MYO7B: variants seen among roughly 807,000 people sequenced by gnomAD.
MYO7B encodes unconventional myosin-VIIb.
A neutral mutation model predicts 259.7 loss-of-function variants in MYO7B; 212 were observed. The ratio of observed to expected loss-of-function variants is 0.82; its 90% CI spans 0.73 to 0.91. MYO7B has a LOEUF of 0.91. Among genes scored for constraint, MYO7B ranks in the 40% least tolerant of loss-of-function variants. MYO7B has a pLI of 0.00. For synonymous variants in MYO7B, 1,197 were observed against 1,166.4 expected, an observed-to-expected ratio of 1.03 and a Z score of -0.54; for missense variants, 2,732 against 2,813.5, an observed-to-expected ratio of 0.97 and a Z score of 0.66.
At chr2:127,588,678 T>A in intron 15 of MYO7B, 123 bp downstream of exon 15, 3 of 1,151,196 alleles carry the variant, frequency 2.6e-6, no homozygotes, top group Non-Finnish European at 3.7e-6. Flanking sequence ...CACTTGGGAA[T>A]CCTGCAATGG....
At chr2:127,632,766 C>T (rs767845811) in intron 39 of MYO7B, among the ~76,000 whole-genome samples, 2 of 151,746 alleles carry the variant, frequency 1.3e-5, no homozygotes, top group African/African-American at 2.4e-5. Flanking sequence ...CGCCCACAGC[C>T]GTGAAGCTCT....
chr2:127,607,319 C>A lies in MYO7B; in HGVS notation c.2538C>A (p.Tyr846Ter). The A allele has an allele frequency of 1.3e-6, 2 of 1,551,412 alleles. No homozygotes were observed. Among genetic ancestry groups the A allele is most frequent in the Non-Finnish European group, 1.7e-6 (2 of 1,146,898 alleles). Residue 846 changes from tyrosine (Y) to a stop codon, truncating the protein, a stop_gained, in exon 21 of 48, where the codon TAC (tyrosine) becomes TAA (stop). Transcript: ENST00000409816. LOFTEE classifies it high-confidence loss of function. The surrounding 1 kb of genome is among the most constrained non-coding windows in gnomAD (Gnocchi z 4.4). ...TVQLQALCRGYLVRQQVQAKR... is the reference protein window; with the variant it reads ...TVQLQALCRG ...AGCTGCAGGCCCTGTGCAGGGGATA[C>A]CTGGTGCGCCAGCAAGTCCAGGCCA...
chr2:127,635,241 G>T lies in MYO7B; in HGVS notation c.5820+15G>T, dbSNP rs1170226421. On this transcript the variant is annotated intron_variant, in intron 43 of 47. Coordinates refer to ENST00000409816, the MANE Select transcript of MYO7B (RefSeq NM_001393586.1). ...ATTACCACCAGGTACCGGGCAGGCT[G>T]CCCTGGTGGGCACTGGGGCCACCCC... The T allele has an allele frequency of 6.2e-7, 1 of 1,604,092 alleles. No individual in the cohort carries two copies. Among genetic ancestry groups the T allele is most frequent in the Admixed American group, 1.7e-5 (1 of 59,240 alleles).
At chr2:127,555,267 ATCT>A (rs1263779990) in intron 1 of MYO7B, among the ~76,000 whole-genome samples, 1 of 151,670 alleles carries the variant, frequency 6.6e-6, no homozygotes, top group African/African-American at 2.4e-5. Context: ...TCTTATTTTG[ATCT>A]TCTCTCTTCT....
At chr2:127,599,450 A>G (rs1679883532) in intron 19 of MYO7B, among the ~76,000 whole-genome samples, 1 of 152,172 alleles carries the variant, frequency 6.6e-6, no homozygotes, top group Non-Finnish European at 1.5e-5. Flanking sequence ...TTGGATGTAG[A>G]TCGTCCTGTC....
chr2:127,632,048 C>T (rs1198892005), intron 38 of MYO7B, among the ~76,000 whole-genome samples, 198 bp from the exon 39 acceptor site: 4 of 152,146 alleles, frequency 2.6e-5, no homozygotes, highest in South Asian at 2.1e-4. Flanking sequence ...AATGCCCACC[C>T]GCCCCCATCT....
At chr2:127,560,978 G>A (rs1162377858) in intron 2 of MYO7B, among the ~76,000 whole-genome samples, 1 of 152,166 alleles carries the variant, frequency 6.6e-6, no homozygotes, top group Non-Finnish European at 1.5e-5. Flanking sequence ...GGCTGTTTTA[G>A]TTTGGAGAAA....
rs900446491 is a variant in MYO7B at position 127,624,319 on chromosome 2, A to G, written c.4046A>G (p.Lys1349Arg). ...GVWSGEYSFE[K>R]EEELVELLAR... ...TGGTCTGGCGAGTACAGCTTCGAGA[A>G]GGTGAGGGGCCTGAGAGCCAGGTCC... The change falls in exon 30 of 48, where the codon AAG becomes AGG. Residue 1349 changes from lysine to arginine, a missense_variant and splice_region_variant. Physicochemically the swap from Lys to Arg is conservative, Grantham distance 26. Transcript: ENST00000409816. 3.4e-5 allele frequency: 54 copies of G among 1,569,572 alleles called. No homozygotes were observed. The highest frequency in any genetic ancestry group is 4.5e-5 in the Non-Finnish European group (52 of 1,157,790).
intron 1 of MYO7B, among the ~76,000 whole-genome samples, chr2:127,543,321 A>G (rs1693082613): frequency 6.6e-6 from 1 of 151,706 alleles, no homozygotes; most frequent in Admixed American, 6.6e-5. Flanking sequence ...ACGGCCTTCA[A>G]GCACTTTTTT....
rs182108603 is a variant in MYO7B at position 127,586,785 on chromosome 2, T to C, written c.1691-1607T>C. On this transcript the variant is annotated intron_variant, in intron 14 of 47. Transcript: ENST00000409816. This position sits in a 1 kb window ranked among gnomAD's most constrained non-coding sequence, Gnocchi z 4.8. ...TTTTATTTTGGATACCATGCTGTGCTGATGACCTCAGCTTTACTTACTCTG... is the reference window on the plus strand; with the variant it reads ...TTTTATTTTGGATACCATGCTGTGCCGATGACCTCAGCTTTACTTACTCTG... 2.6e-3 allele frequency among the ~76,000 whole-genome samples: 391 copies of C among 152,326 alleles called. 2 individuals carry two copies. The highest frequency in any genetic ancestry group is 9.0e-3 in the African/African-American group (373 of 41,566).
At chr2:127,542,230 G>T (rs1325383882) in intron 1 of MYO7B, among the ~76,000 whole-genome samples, 2 of 152,212 alleles carry the variant, frequency 1.3e-5, no homozygotes, top group Non-Finnish European at 2.9e-5. Context: ...CCAGAAGAGG[G>T]GCATACCCTT....
intron 6 of MYO7B, among the ~76,000 whole-genome samples, chr2:127,570,320 G>A (rs1678542571): frequency 6.6e-6 from 1 of 152,208 alleles, no homozygotes; most frequent in South Asian, 2.1e-4. Flanking sequence ...AGCAGGAGTG[G>A]GCAGGATGAG....
chr2:127,536,814 C>T (rs540533468), intron 1 of MYO7B, among the ~76,000 whole-genome samples: 2 of 152,350 alleles, frequency 1.3e-5, no homozygotes, highest in Admixed American at 6.5e-5. Context: ...AGGAACCACT[C>T]AGCTCATCAG....
At position 127,608,862 on chromosome 2, in the gene MYO7B, C is replaced by G. The variant is rs1680264923; in HGVS notation, c.2798C>G (p.Ala933Gly). 6.2e-7 allele frequency: 1 copy of G among 1,612,458 alleles called. No homozygotes were observed. The highest frequency in any genetic ancestry group is 8.5e-7 in the Non-Finnish European group (1 of 1,179,488). The change falls in exon 22 of 48, where the codon GCC (alanine) becomes GGC (glycine). Residue 933 changes from alanine (A) to glycine (G), a missense_variant. By Grantham distance (60) the Ala-to-Gly change is moderately conservative (BLOSUM62 0). Around this residue, in one of 3 missense-constraint regions of MYO7B, gnomAD observed 1,906 missense variants for 2,026.4 expected, o/e 0.94. Coordinates refer to ENST00000409816, the MANE Select transcript of MYO7B (RefSeq NM_001393586.1). ...ATGATTGGGGGCCAGGAGGGCCAGG[C>G]CTCGCCGCACTTTGAGGTAACACAA... is the stretch of plus-strand genomic sequence containing the variant. ...PAMIGGQEGQASPHFEDLESK... is the reference protein window; with the variant it reads ...PAMIGGQEGQGSPHFEDLESK...
At chr2:127,560,666 C>T (rs1163308460) in intron 2 of MYO7B, among the ~76,000 whole-genome samples, 1 of 152,118 alleles carries the variant, frequency 6.6e-6, no homozygotes, top group East Asian at 1.9e-4. Context: ...GAGCAGAGGC[C>T]CCAAACCAGC....
chr2:127,547,269 A>G (rs1382814368), intron 1 of MYO7B, among the ~76,000 whole-genome samples: 1 of 152,162 alleles, frequency 6.6e-6, no homozygotes, highest in Non-Finnish European at 1.5e-5. Context: ...CAAATTTCTC[A>G]CAGGTGTGGG....
intron 47 of MYO7B, 190 bp downstream of exon 47, chr2:127,637,103 G>C: frequency 1.8e-6 from 2 of 1,109,726 alleles, no homozygotes; most frequent in Non-Finnish European, 2.6e-6. Context: ...AGGCCAGGCG[G>C]GACCCCCTGC....
At position 127,631,591 on chromosome 2, in the gene MYO7B, C is replaced by G; in HGVS notation, c.5096-9C>G. 1 of 1,612,584 alleles carries G rather than the reference C, an allele frequency of 6.2e-7. No individual in the cohort carries two copies. The highest frequency in any genetic ancestry group is 8.5e-7 in the Non-Finnish European group (1 of 1,179,544). On this transcript the variant is annotated splice_polypyrimidine_tract_variant and intron_variant, in intron 37 of 47. Coordinates refer to ENST00000409816, the MANE Select transcript of MYO7B (RefSeq NM_001393586.1). ...GCTGCCCCAGCACTGTGCTCCTTGA[C>G]AGCCACACCCATCCTCCGGTACATG...
chr2:127,605,530 A>G (rs1253896060), intron 19 of MYO7B, among the ~76,000 whole-genome samples: 1 of 152,192 alleles, frequency 6.6e-6, no homozygotes, highest in African/African-American at 2.4e-5. Context: ...TGGGAGGTGG[A>G]GGTTACAGTG....
Sources: allele counts gnomAD v4.1 joint callset (sites outside exome capture counted in the v4.1 genomes callset), GRCh38; gene constraint gnomAD v4.1.1; regional missense constraint gnomAD v4.1.1; non-coding constraint Gnocchi (gnomAD v3.1); transcripts MANE v1.5; gene names NCBI Gene and HGNC (gene_info 2026-07-23, HGNC 2026-07-21).